PNPLA7: variants seen among roughly 807,000 people sequenced by gnomAD.
PNPLA7 encodes patatin-like phospholipase domain-containing protein 7.
In PNPLA7, 153 loss-of-function variants were observed where a neutral mutation model predicts 161.7. That is an observed-to-expected ratio of 0.95 (90% CI 0.83 to 1.08). The LOEUF is 1.08. Ranked by LOEUF, PNPLA7 falls within the 50% of genes least tolerant of loss-of-function variation. The pLI is 0.00. For synonymous variants in PNPLA7, 809 were observed against 782.1 expected, an observed-to-expected ratio of 1.03 and a Z score of -0.57; for missense variants, 1,739 against 1,856.6, an observed-to-expected ratio of 0.94 and a Z score of 1.16.
intron 29 of PNPLA7, 111 bp downstream of exon 29, chr9:137,463,304 A>T: frequency 1.0e-6 from 1 of 985,326 alleles, no homozygotes; most frequent in Non-Finnish European, 1.5e-6. Context: ...TCTAAGGAAA[A>T]CGTGTTCCAG....
At chr9:137,506,263 G>A (rs1453202917) in intron 12 of PNPLA7, among the ~76,000 whole-genome samples, 180 bp from the exon 13 acceptor site, 2 of 152,200 alleles carry the variant, frequency 1.3e-5, no homozygotes, top group Non-Finnish European at 2.9e-5. Flanking sequence ...CAATGGCTCT[G>A]TGACCCACCA....
At position 137,467,336 on chromosome 9, in the gene PNPLA7, C is replaced by T. The variant is rs28415505; in HGVS notation, c.3020G>A (p.Arg1007Gln). 112 of 1,613,492 alleles carry T rather than the reference C, an allele frequency of 6.9e-5. No homozygotes were observed. The East Asian group carries it at 1.8e-3, about 27-fold the overall frequency. ...EERNYSQMRI[R>Q]AKQWAEGMTS... ...GCTTACCTCGGCCCACTGCTTGGCC[C>T]GGATCCGCATCTGGCTGTAGTTCCG... Residue 1007 changes from arginine (R) to glutamine (Q), a missense_variant, in exon 26 of 35, where the codon CGG becomes CAG. Arg to Gln is a conservative substitution (Grantham distance 43). This residue lies in a region of PNPLA7 where 703 missense variants were observed against 694.6 expected (regional missense o/e 1.01). Transcript: ENST00000406427. This position sits in a 1 kb window ranked among gnomAD's most constrained non-coding sequence, Gnocchi z 5.1.
At chr9:137,514,846 G>GT (rs1273789615) in intron 12 of PNPLA7, among the ~76,000 whole-genome samples, 8 of 148,666 alleles carry the variant, frequency 5.4e-5, no homozygotes, top group Non-Finnish European at 8.9e-5. Flanking sequence ...TCACCTGGAT[G>GT]TTGAGGTGCC....
chr9:137,460,861 C>T (rs1588519907), intron 33 of PNPLA7, 124 bp from the exon 34 acceptor site: 1 of 805,406 alleles, frequency 1.2e-6, no homozygotes, highest in Non-Finnish European at 2.0e-6. Flanking sequence ...GCCCGGGGCC[C>T]TACACGCAGC....
chr9:137,521,659 G>A lies in PNPLA7; in HGVS notation c.934C>T (p.Leu312=). 6.2e-7 allele frequency: 1 copy of A among 1,612,764 alleles called. No homozygotes were observed. The highest frequency in any genetic ancestry group is 1.1e-5 in the South Asian group (1 of 91,040). The stretch of plus-strand genomic sequence containing the variant: ...ACAGCGTTGAAGAGCTCTGTGGTCA[G>A]GCCGAGGTAGTTGTGCAGAGCCAGA... ...TFLALHNYLG[L]TTELFNAESQ... is the part of the protein sequence containing the mutation. The change falls in exon 10 of 35, where the codon CTG becomes TTG. Residue 312 remains leucine, a synonymous_variant. Transcript: ENST00000406427.
chr9:137,523,100 G>A lies in PNPLA7; in HGVS notation c.748-243C>T, dbSNP rs1035854574. ...ATGAAATGTGGGTGAGGGGAGGCCC[G>A]CAGGCAGCCACCCCACCAGACCTGG... On this transcript the variant is annotated intron_variant, in intron 8 of 34. Transcript: ENST00000406427. The surrounding 1 kb of genome is among the most constrained non-coding windows in gnomAD (Gnocchi z 4.4). Among the ~76,000 whole-genome samples, 1 of 152,164 alleles carries A rather than the reference G, an allele frequency of 6.6e-6. No homozygotes were observed. Among genetic ancestry groups the A allele is most frequent in the South Asian group, 2.1e-4 (1 of 4,834 alleles).
chr9:137,506,091 C>T lies in PNPLA7; in HGVS notation c.1226-8G>A, dbSNP rs146742840. The T allele has an allele frequency of 4.4e-6, 7 of 1,607,258 alleles. No individual in the cohort carries two copies. In the African/African-American group the frequency reaches 9.3e-5, roughly 21 times the overall value. Reference sequence around the variant, plus strand: ...TGGCACTGCCTGGGCCCCCTACACACAGAGGGGACACTCAGGACACGGTTC... The same window carrying T: ...TGGCACTGCCTGGGCCCCCTACACATAGAGGGGACACTCAGGACACGGTTC... On this transcript the variant is annotated splice_region_variant and splice_polypyrimidine_tract_variant and intron_variant, in intron 12 of 34. Transcript: ENST00000406427.
chr9:137,476,791 G>A lies in PNPLA7; in HGVS notation c.2882+1243C>T, dbSNP rs569732165. Among the ~76,000 whole-genome samples, 63 of 152,312 alleles carry A rather than the reference G, an allele frequency of 4.1e-4. No homozygotes were observed. The highest frequency in any genetic ancestry group is 1.1e-3 in the African/African-American group (44 of 41,566). On this transcript the variant is annotated intron_variant, in intron 25 of 34. Transcript: ENST00000406427. The surrounding 1 kb of genome is among the most constrained non-coding windows in gnomAD (Gnocchi z 4.5). ...ACCCACAGAAAGAGACTTGGGTCCTGTCCCCAGCCTGGCAACCTCAGGCAA... is the reference window on the plus strand; with the variant it reads ...ACCCACAGAAAGAGACTTGGGTCCTATCCCCAGCCTGGCAACCTCAGGCAA...
chr9:137,472,356 C>T (rs765374775), intron 25 of PNPLA7, among the ~76,000 whole-genome samples: 1 of 151,872 alleles, frequency 6.6e-6, no homozygotes, highest in Non-Finnish European at 1.5e-5. Flanking sequence ...CCACTGTACC[C>T]AGCCTAAACC....
chr9:137,461,471 C>T, intron 33 of PNPLA7, 65 bp downstream of exon 33: 1 of 1,494,748 alleles, frequency 6.7e-7, no homozygotes, highest in South Asian at 1.3e-5. Flanking sequence ...TGGGGGGGTT[C>T]AAGCCCAACA....
At position 137,500,801 on chromosome 9, in the gene PNPLA7, G is replaced by A. The variant is rs144383658; in HGVS notation, c.1647C>T (p.Pro549=). The A allele has an allele frequency of 0.035, 55,615 of 1,609,624 alleles. 1,158 individuals are homozygous for A. Among genetic ancestry groups the A allele is most frequent in the Non-Finnish European group, 0.042 (48,985 of 1,178,944 alleles). The change falls in exon 16 of 35, where the codon CCC becomes CCT. Residue 549 remains proline, a synonymous_variant. Coordinates refer to ENST00000406427, the MANE Select transcript of PNPLA7 (RefSeq NM_001098537.3). This position sits in a 1 kb window ranked among gnomAD's most constrained non-coding sequence, Gnocchi z 5.5. ...QEDTCLFLTR[P]GEMVGQLAVL... ...CGGCCAGCTGGCCCACCATCTCCCCGGGGCGCGTGAGGAACAAGCAGGTGT... is the reference window on the plus strand; with the variant it reads ...CGGCCAGCTGGCCCACCATCTCCCCAGGGCGCGTGAGGAACAAGCAGGTGT...
intron 11 of PNPLA7, chr9:137,516,336 G>T: frequency 1.0e-6 from 1 of 984,388 alleles, no homozygotes; most frequent in Non-Finnish European, 1.2e-6. Flanking sequence ...TGGCCTTGCC[G>T]ACCACACAGG....
intron 18 of PNPLA7, among the ~76,000 whole-genome samples, chr9:137,496,823 G>C (rs1833086111): frequency 6.6e-6 from 1 of 152,240 alleles, no homozygotes; most frequent in South Asian, 2.1e-4. Context: ...GGGGCCTGCT[G>C]TGAGACCCAG....
chr9:137,531,829 G>T (rs1835596047), intron 8 of PNPLA7, among the ~76,000 whole-genome samples: 1 of 152,140 alleles, frequency 6.6e-6, no homozygotes, highest in Non-Finnish European at 1.5e-5. Flanking sequence ...GAGCACACGT[G>T]GGTAATGTGA....
At chr9:137,478,998 A>G (rs549053834) in intron 24 of PNPLA7, 58 bp downstream of exon 24, 5 of 1,473,434 alleles carry the variant, frequency 3.4e-6, no homozygotes, top group Non-Finnish European at 4.5e-6. Flanking sequence ...AATGCTTCGA[A>G]CGTTCGAGGA....
chr9:137,461,904 G>A (rs772197530), intron 32 of PNPLA7, 27 bp downstream of exon 32: 3 of 1,523,506 alleles, frequency 2.0e-6, no homozygotes, highest in South Asian at 2.5e-5. Context: ...CCGGGGAGCT[G>A]GGCGTGGTCC....
Position 137,459,987 on chromosome 9 carries a change from G to A in PNPLA7, c.*406C>T, listed in dbSNP as rs1831091374. 1.0e-5 allele frequency: 2 copies of A among 196,684 alleles called. No individual in the cohort carries two copies. The highest frequency in any genetic ancestry group is 1.4e-4 in the East Asian group (1 of 6,938). 12.2% of individuals were successfully genotyped at this position (196,684 alleles called of 1,614,324 possible). ...ATCCACCTTTATTGAAACATCACAC[G>A]GCAGCATCAGGGCTCCCACACCTCA... On this transcript the variant is annotated 3_prime_UTR_variant, in exon 35 of 35. Transcript: ENST00000406427.
chr9:137,512,341 C>A (rs928045), intron 12 of PNPLA7, among the ~76,000 whole-genome samples: 1 of 152,202 alleles, frequency 6.6e-6, no homozygotes, highest in Non-Finnish European at 1.5e-5. Context: ...GACCTCCCCA[C>A]GGGACGTGGA....
Position 137,526,794 on chromosome 9 carries a change from A to G in PNPLA7, c.748-3937T>C, listed in dbSNP as rs866148570. ...ATAGAGAAATACAGTTTATTTTCGTATGTTGATAAACCATAAGTTCTAGTA... is the reference window on the plus strand; with the variant it reads ...ATAGAGAAATACAGTTTATTTTCGTGTGTTGATAAACCATAAGTTCTAGTA... On this transcript the variant is annotated intron_variant, in intron 8 of 34. Coordinates refer to ENST00000406427, the MANE Select transcript of PNPLA7 (RefSeq NM_001098537.3). 3.9e-5 allele frequency among the ~76,000 whole-genome samples: 6 copies of G among 152,234 alleles called. No individual in the cohort carries two copies. The South Asian group carries it at 1.2e-3, about 32-fold the overall frequency.
Sources: allele counts gnomAD v4.1 joint callset (sites outside exome capture counted in the v4.1 genomes callset), GRCh38; gene constraint gnomAD v4.1.1; regional missense constraint gnomAD v4.1.1; non-coding constraint Gnocchi (gnomAD v3.1); transcripts MANE v1.5; gene names NCBI Gene and HGNC (gene_info 2026-07-23, HGNC 2026-07-21).